Variants in CXADR observed in about 807,000 individuals in gnomAD.
CXADR encodes CXADR cell adhesion molecule.
In CXADR, 20 loss-of-function variants were observed where a neutral mutation model predicts 40.3. The observed-to-expected ratio is 0.50, with a 90% CI of 0.35 to 0.72. CXADR has a LOEUF of 0.72. CXADR is among the 30% of genes least tolerant of loss of function. The pLI is 0.01. For missense variants in CXADR, 332 were observed against 449.1 expected, an observed-to-expected ratio of 0.74 and a Z score of 2.36; for synonymous variants, 150 against 161.3, an observed-to-expected ratio of 0.93 and a Z score of 0.53.
At chr21:17,594,499 G>T (rs776165689), downstream of CXADR, among the ~76,000 whole-genome samples, 1 of 152,042 alleles carries the variant, frequency 6.6e-6, no homozygotes, top group Admixed American at 6.6e-5. Flanking sequence ...TGTAATAGGC[G>T]TATAATGTAT....
chr21:17,634,376 T>C, the CXADR span, among the ~76,000 whole-genome samples: 40 of 152,382 alleles, frequency 2.6e-4, 1 homozygote, highest in Admixed American at 1.6e-3. Flanking sequence ...CGTATCTTTT[T>C]AAAGTCTGAC....
chr21:17,575,111 A>G (rs2061311039), intron 7 of CXADR, among the ~76,000 whole-genome samples: 1 of 105,298 alleles, frequency 9.5e-6, no homozygotes, highest in Non-Finnish European at 2.0e-5. Flanking sequence ...ATTCCTGGCA[A>G]CCTTGAATGA....
intron 1 of CXADR, among the ~76,000 whole-genome samples, chr21:17,517,536 A>G (rs1180415550): frequency 2.0e-5 from 3 of 152,158 alleles, no homozygotes; most frequent in Admixed American, 6.5e-5. Context: ...CCCAATTTCA[A>G]CCTTGCTGAA....
chr21:17,532,105 A>T lies in CXADR; in HGVS notation c.44-14922A>T, dbSNP rs529024022. ...ACCACCACGTACAACTAACTTAAAAATTTTTTTTTTAGAGATGGTGCCTTC... is the reference window on the plus strand; with the variant it reads ...ACCACCACGTACAACTAACTTAAAATTTTTTTTTTTAGAGATGGTGCCTTC... On this transcript the variant is annotated intron_variant, in intron 1 of 6. Transcript: ENST00000284878. Among the ~76,000 whole-genome samples the T allele has an allele frequency of 2.0e-3, 298 of 149,340 alleles. 1 individual carries two copies. Among genetic ancestry groups the T allele is most frequent in the Middle Eastern group, 3.4e-3 (1 of 292 alleles).
chr21:17,513,538 T>C (rs2060419895), intron 1 of CXADR, among the ~76,000 whole-genome samples: 1 of 152,216 alleles, frequency 6.6e-6, no homozygotes, highest in Admixed American at 6.5e-5. Flanking sequence ...TCAGCCTTCG[T>C]GTCGGTTCTC....
At chr21:17,625,447 T>G in the CXADR span, among the ~76,000 whole-genome samples, 40,194 of 152,032 alleles carry the variant, frequency 0.26, 5,563 homozygotes, top group East Asian at 0.38. Flanking sequence ...ATTACACATT[T>G]TATATATGTA....
chr21:17,612,088 G>A, the CXADR span: 12 of 152,406 alleles, frequency 7.9e-5, no homozygotes, highest in East Asian at 3.9e-4. Context: ...TTTGAGAGAG[G>A]TAGGTGAGGA....
chr21:17,521,520 G>C (rs1014064390), intron 1 of CXADR, among the ~76,000 whole-genome samples: 8 of 151,934 alleles, frequency 5.3e-5, no homozygotes, highest in Non-Finnish European at 1.2e-4. Context: ...ATGGGGCTTC[G>C]CCATGTTGGC....
chr21:17,536,766 T>G (rs2060763882), intron 1 of CXADR, among the ~76,000 whole-genome samples: 1 of 152,122 alleles, frequency 6.6e-6, no homozygotes, highest in African/African-American at 2.4e-5. Flanking sequence ...ATTTATTTTT[T>G]TTCTTTTTGA....
At position 17,569,931 on chromosome 21, in the gene CXADR, G is replaced by A. The variant is rs2824366; in HGVS notation, c.*4239G>A. On this transcript the variant is annotated 3_prime_UTR_variant, in exon 7 of 7. Coordinates refer to ENST00000284878, the MANE Select transcript of CXADR (RefSeq NM_001338.5). ...GAAAATATTCTGACACTTCACGTGT[G>A]CAAAGTATAGAACTGACAGTGTCAG... 9,665 of 985,342 alleles carry A rather than the reference G, an allele frequency of 9.8e-3. 698 individuals are homozygous for A. In the African/African-American group the frequency reaches 0.16, roughly 16 times the overall value. The allele number at this position is 985,342 out of a possible 1,614,324, so 61.0% of individuals were successfully genotyped here. A position where few individuals can be genotyped will look rare whatever the true frequency, so the allele number is the denominator to read the frequency against.
chr21:17,527,957 A>G (rs76198703), intron 1 of CXADR, among the ~76,000 whole-genome samples: 2,260 of 151,794 alleles, frequency 0.015, 57 homozygotes, highest in African/African-American at 0.051. Flanking sequence ...TACGTTTTAC[A>G]ATGCACTTTT....
chr21:17,624,316 A>G, the CXADR span, among the ~76,000 whole-genome samples: 456 of 152,322 alleles, frequency 3.0e-3, 2 homozygotes, highest in Non-Finnish European at 5.0e-3. Context: ...TAAATTTATT[A>G]TCTCACAGTT....
At chr21:17,525,892 T>C (rs888819099) in intron 1 of CXADR, among the ~76,000 whole-genome samples, 8 of 152,186 alleles carry the variant, frequency 5.3e-5, no homozygotes, top group Admixed American at 1.3e-4. Flanking sequence ...AGAAATATAA[T>C]GCAAGCCACA....
chr21:17,598,212 A>T (rs989442050), downstream of CXADR, among the ~76,000 whole-genome samples: 2 of 152,132 alleles, frequency 1.3e-5, no homozygotes, highest in Admixed American at 6.5e-5. Flanking sequence ...ATTATAATAT[A>T]ATAAATTTAG....
the CXADR span, among the ~76,000 whole-genome samples, chr21:17,632,348 G>T: frequency 2.0e-5 from 3 of 152,088 alleles, no homozygotes; most frequent in Non-Finnish European, 4.4e-5. Context: ...AGCTCAGAGG[G>T]AAACTTAAGA....
chr21:17,597,266 AT>A (rs1368785579), downstream of CXADR, among the ~76,000 whole-genome samples: 1 of 152,112 alleles, frequency 6.6e-6, no homozygotes, highest in East Asian at 1.9e-4. Flanking sequence ...AATCAATTTA[AT>A]TTGAGACTTA....
chr21:17,620,551 A>G, the CXADR span, among the ~76,000 whole-genome samples: 1 of 152,228 alleles, frequency 6.6e-6, no homozygotes, highest in Non-Finnish European at 1.5e-5. Flanking sequence ...CAGAGACACA[A>G]AGTGATCACA....
chr21:17,516,137 T>C (rs960540639), intron 1 of CXADR, among the ~76,000 whole-genome samples: 1 of 152,210 alleles, frequency 6.6e-6, no homozygotes, highest in South Asian at 2.1e-4. Context: ...TTTACATACC[T>C]ATATATTCAA....
chr21:17,527,017 C>T (rs116955802), intron 1 of CXADR: 3 of 152,230 alleles, frequency 2.0e-5, no homozygotes, highest in Non-Finnish European at 2.9e-5. Context: ...ATCTGCCTTA[C>T]CCATAATGCA....
Sources: allele counts gnomAD v4.1 joint callset (sites outside exome capture counted in the v4.1 genomes callset), GRCh38; gene constraint gnomAD v4.1.1; transcripts MANE v1.5; gene names NCBI Gene and HGNC (gene_info 2026-07-23, HGNC 2026-07-21).